POC1B: variants seen among roughly 807,000 people sequenced by gnomAD.
POC1B encodes the protein POC1 centriolar protein homolog B.
A neutral mutation model predicts 60.6 loss-of-function variants in POC1B; 44 were observed. The ratio of observed to expected loss-of-function variants is 0.73; its 90% CI spans 0.57 to 0.93. The LOEUF is 0.93. POC1B is among the 40% of genes least tolerant of loss of function. The pLI, the probability that POC1B is intolerant of heterozygous loss-of-function variation, is 0.00. For synonymous variants in POC1B, 180 were observed against 198.9 expected, an observed-to-expected ratio of 0.90 and a Z score of 0.80; for missense variants, 555 against 572.3, an observed-to-expected ratio of 0.97 and a Z score of 0.31.
intron 2 of POC1B, chr12:89,523,660 C>A (rs184795006): frequency 1.3e-6 from 2 of 1,537,584 alleles, no homozygotes; most frequent in African/African-American, 1.4e-5. Flanking sequence ...TCTTGATATC[C>A]GCCTGTCCCT....
intron 11 of POC1B, among the ~76,000 whole-genome samples, chr12:89,423,474 G>A (rs1490159682): frequency 6.6e-6 from 1 of 152,052 alleles, no homozygotes; most frequent in East Asian, 1.9e-4. Context: ...AGTTCCAAAT[G>A]CTAGAAGTTA....
intron 4 of POC1B, among the ~76,000 whole-genome samples, chr12:89,476,412 A>G (rs1206221096): frequency 1.3e-5 from 2 of 152,208 alleles, no homozygotes; most frequent in Admixed American, 6.5e-5. Flanking sequence ...GAAAAGTCTT[A>G]AAGTGCTTTC....
intron 11 of POC1B, 107 bp downstream of exon 11, chr12:89,425,054 T>C (rs568192513): frequency 3.3e-5 from 37 of 1,133,392 alleles, no homozygotes; most frequent in Admixed American, 2.2e-4. Context: ...GCTTTGCTAG[T>C]ATAGAGAAAT....
At chr12:89,525,455 C>A (rs1032300825) in intron 1 of POC1B, 3 of 1,354,576 alleles carry the variant, frequency 2.2e-6, no homozygotes, top group African/African-American at 1.5e-5. Context: ...GAGTCCAGCG[C>A]ATCGCAGGAA....
chr12:89,501,684 G>A (rs11105304), intron 2 of POC1B: 510,138 of 1,017,206 alleles, frequency 0.5, 128,535 homozygotes, highest in East Asian at 0.53. Context: ...CCAGGCATCC[G>A]TCTAATTGGT....
At chr12:89,478,178 T>C (rs2135725150) in intron 4 of POC1B, among the ~76,000 whole-genome samples, 1 of 152,232 alleles carries the variant, frequency 6.6e-6, no homozygotes, top group African/African-American at 2.4e-5. Context: ...GGCGGGATCT[T>C]AGCTCACTGC....
chr12:89,480,692 T>TG (rs535741136), intron 4 of POC1B, among the ~76,000 whole-genome samples: 102 of 142,796 alleles, frequency 7.1e-4, no homozygotes, highest in Non-Finnish European at 1.3e-3. Flanking sequence ...CTCCGCCCCC[T>TG]GGGGTTCACG....
chr12:89,447,117 T>G (rs981409059), intron 10 of POC1B, among the ~76,000 whole-genome samples: 1 of 152,178 alleles, frequency 6.6e-6, no homozygotes, highest in Non-Finnish European at 1.5e-5. Context: ...GCTCTCTAAA[T>G]CAAAAGTTTT....
At chr12:89,523,557 C>T in intron 2 of POC1B, 1 of 1,598,240 alleles carries the variant, frequency 6.3e-7, no homozygotes, top group Non-Finnish European at 8.5e-7. Context: ...CCCACACTTC[C>T]ATTCCTGTGT....
intron 10 of POC1B, among the ~76,000 whole-genome samples, chr12:89,458,460 G>A (rs949354038): frequency 2.0e-5 from 3 of 152,194 alleles, no homozygotes; most frequent in Admixed American, 6.6e-5. Context: ...GTGGTCACCA[G>A]TGATTCTTGG....
intron 10 of POC1B, chr12:89,427,907 C>G (rs1479957878): frequency 1.3e-5 from 2 of 152,196 alleles, no homozygotes; most frequent in East Asian, 3.8e-4. Context: ...TTAGAAGCAT[C>G]TATGGACCAA....
At chr12:89,437,200 C>T (rs1488426294) in intron 10 of POC1B, among the ~76,000 whole-genome samples, 2 of 152,144 alleles carry the variant, frequency 1.3e-5, no homozygotes, top group African/African-American at 4.8e-5. Flanking sequence ...TTATCTCCCT[C>T]CAACCCCTCC....
intron 3 of POC1B, among the ~76,000 whole-genome samples, chr12:89,494,164 T>C (rs543044730): frequency 6.6e-6 from 1 of 152,230 alleles, no homozygotes; most frequent in South Asian, 2.1e-4. Context: ...CTCAGCCTCC[T>C]GAGGAGCTAG....
chr12:89,525,332 G>A, intron 1 of POC1B, 128 bp from the exon 2 acceptor site: 1 of 1,441,946 alleles, frequency 6.9e-7, no homozygotes. Context: ...TTGGCTGGGC[G>A]GCGGGGCCGG....
chr12:89,401,986 C>A, the POC1B span, among the ~76,000 whole-genome samples: 1 of 152,162 alleles, frequency 6.6e-6, no homozygotes, highest in Non-Finnish European at 1.5e-5. Context: ...GTGACTACCA[C>A]TAGTGTGGAA....
intron 2 of POC1B, chr12:89,524,774 G>A (rs1401839943): frequency 3.2e-6 from 2 of 628,354 alleles, no homozygotes; most frequent in African/African-American, 1.8e-5. Context: ...CCTCCTGCTC[G>A]GCTCACAACT....
intron 10 of POC1B, among the ~76,000 whole-genome samples, chr12:89,432,991 AGG>A (rs975393579): frequency 2.0e-5 from 3 of 152,188 alleles, no homozygotes; most frequent in Non-Finnish European, 4.4e-5. Flanking sequence ...AAGTCAAGTG[AGG>A]AAAGAGCTTC....
At chr12:89,525,516 G>C (rs907523034) in intron 1 of POC1B, 85 of 1,313,700 alleles carry the variant, frequency 6.5e-5, no homozygotes, top group Non-Finnish European at 7.9e-5. Context: ...CTGGCCCAAG[G>C]CAGGCAGGTG....
At chr12:89,421,518 A>G (rs1880532519) in intron 11 of POC1B, among the ~76,000 whole-genome samples, 2 of 152,172 alleles carry the variant, frequency 1.3e-5, no homozygotes, top group African/African-American at 4.8e-5. Context: ...GGAAGATCAG[A>G]CCTCTTATGC....
Sources: gnomAD v4.1 joint callset for allele counts (sites outside exome capture counted in the v4.1 genomes callset) on GRCh38, gnomAD v4.1.1 for gene constraint, MANE v1.5 for transcripts, NCBI Gene and HGNC (gene_info 2026-07-23, HGNC 2026-07-21) for gene names.